SUCLG2: variants seen among roughly 807,000 people sequenced by gnomAD.
SUCLG2 encodes the protein succinate-CoA ligase GDP-forming subunit beta, also known as succinate--CoA ligase [GDP-forming] subunit beta, mitochondrial.
Under a neutral mutation model 47.9 loss-of-function variants are expected in SUCLG2, and 42 were observed. The ratio of observed to expected loss-of-function variants is 0.88; its 90% CI spans 0.69 to 1.14. The LOEUF (loss-of-function observed/expected upper bound fraction) is 1.14. Among genes scored for constraint, SUCLG2 ranks in the 50% most tolerant of loss-of-function variants. The pLI, the probability that SUCLG2 is intolerant of heterozygous loss-of-function variation, is 0.00. For synonymous variants in SUCLG2, 195 were observed against 197.3 expected (o/e 0.99, Z 0.10); for missense variants, 571 against 525.9 (o/e 1.09, Z -0.84).
At chr3:67,520,358 C>A in intron 5 of SUCLG2, 124 bp downstream of exon 5, 1 of 1,383,906 alleles carries the variant, frequency 7.2e-7, no homozygotes, top group Non-Finnish European at 1.0e-6. Context: ...AAGGGCTCAG[C>A]ATCTTCTTAC....
intron 10 of SUCLG2, 132 bp downstream of exon 10, chr3:67,400,599 A>G (rs1575671422): frequency 1.6e-6 from 2 of 1,284,942 alleles, no homozygotes; most frequent in East Asian, 4.9e-5. Context: ...GTCCTGCCGT[A>G]CTGTGTTTGT....
chr3:67,384,702 A>G (rs1445956109), intron 10 of SUCLG2, among the ~76,000 whole-genome samples: 3 of 152,274 alleles, frequency 2.0e-5, no homozygotes, highest in East Asian at 1.9e-4. Flanking sequence ...AAACCCACCT[A>G]TGGTCTCTTT....
chr3:67,400,995 G>T, intron 9 of SUCLG2, 144 bp from the exon 10 acceptor site: 1 of 1,172,010 alleles, frequency 8.5e-7, no homozygotes, highest in Non-Finnish European at 1.2e-6. Flanking sequence ...TACAAAAATG[G>T]CCCAGAACAT....
In SUCLG2 at chr3:67,452,371, T is replaced by C. The variant is rs534772128; in HGVS notation, c.1062+43427A>G. On this transcript the variant is annotated intron_variant, in intron 9 of 10. Transcript: ENST00000307227. ...ATGAATTATGCCTATTGAAATATTT[T>C]CTAAAAATTTGGGCCTGCTTTTACA... is the stretch of plus-strand genomic sequence containing the variant. 4.7e-4 allele frequency among the ~76,000 whole-genome samples: 72 copies of C among 152,358 alleles called. 1 individual carries two copies. The highest frequency in any genetic ancestry group is 1.6e-3 in the African/African-American group (68 of 41,590).
intron 2 of SUCLG2, among the ~76,000 whole-genome samples, chr3:67,607,708 C>T (rs903378886): frequency 1.3e-5 from 2 of 152,170 alleles, no homozygotes; most frequent in African/African-American, 2.4e-5. Context: ...ATAATCTCCA[C>T]ATGTCAAGGG....
chr3:67,523,030 C>T (rs751076048), intron 4 of SUCLG2, among the ~76,000 whole-genome samples: 2 of 151,998 alleles, frequency 1.3e-5, no homozygotes, highest in Non-Finnish European at 2.9e-5. Flanking sequence ...CCTCGTGATT[C>T]GCCCACCTCC....
At chr3:67,437,378 G>T (rs1444388650) in intron 9 of SUCLG2, among the ~76,000 whole-genome samples, 5 of 152,130 alleles carry the variant, frequency 3.3e-5, no homozygotes, top group Admixed American at 2.6e-4. Context: ...CATCAAAAAT[G>T]CTGGTATTAT....
chr3:67,414,116 G>A (rs1401186809), intron 9 of SUCLG2, among the ~76,000 whole-genome samples: 1 of 152,130 alleles, frequency 6.6e-6, no homozygotes, highest in Admixed American at 6.5e-5. Context: ...AAACCTGGAT[G>A]GTCTTCTGTG....
At position 67,400,848 on chromosome 3, in the gene SUCLG2, C is replaced by T; in HGVS notation, c.1066G>A (p.Glu356Lys). ...FKLLTADPKV[E>K]AILVNIFGGI... ...CCAAATATATTGACAAGGATGGCTT[C>T]AACCTGAAATCAAAAATAAAAAGTT... is the stretch of plus-strand genomic sequence containing the variant. Residue 356 changes from glutamate (E) to lysine (K), a missense_variant, in exon 10 of 11, where the codon GAA becomes AAA. Transcript: ENST00000307227. The T allele has an allele frequency of 3.1e-6, 5 of 1,612,192 alleles. No homozygotes were observed. Among genetic ancestry groups the T allele is most frequent in the Non-Finnish European group, 4.2e-6 (5 of 1,179,658 alleles).
intron 9 of SUCLG2, among the ~76,000 whole-genome samples, chr3:67,461,424 T>C (rs919145101): frequency 6.6e-6 from 1 of 152,066 alleles, no homozygotes; most frequent in Non-Finnish European, 1.5e-5. Flanking sequence ...TATAACGGTA[T>C]TGGAAGAAGC....
At chr3:67,621,135 A>G (rs1190396075) in intron 1 of SUCLG2, among the ~76,000 whole-genome samples, 3 of 152,204 alleles carry the variant, frequency 2.0e-5, no homozygotes, top group Admixed American at 6.5e-5. Context: ...ACTAGCCATC[A>G]ATCATAAATA....
At chr3:67,531,382 C>G (rs932950410) in intron 2 of SUCLG2, among the ~76,000 whole-genome samples, 4 of 152,184 alleles carry the variant, frequency 2.6e-5, no homozygotes, top group African/African-American at 9.7e-5. Flanking sequence ...AGCTTTCCAG[C>G]AGCAAAACTT....
chr3:67,651,525 T>C (rs1388756851), intron 1 of SUCLG2, among the ~76,000 whole-genome samples: 9 of 152,320 alleles, frequency 5.9e-5, no homozygotes, highest in Admixed American at 5.2e-4. Flanking sequence ...AGTATGTGTA[T>C]GCCTACATAT....
intron 7 of SUCLG2, among the ~76,000 whole-genome samples, chr3:67,498,538 T>A (rs117761705): frequency 2.0e-5 from 3 of 152,194 alleles, no homozygotes; most frequent in Non-Finnish European, 2.9e-5. Context: ...CTCATTTCAA[T>A]AGAATAACCC....
Position 67,374,751 on chromosome 3 carries a change from T to A in SUCLG2, c.*993A>T. 1.1e-6 allele frequency: 1 copy of A among 917,510 alleles called. No homozygotes were observed. The highest frequency in any genetic ancestry group is 1.3e-6 in the Non-Finnish European group (1 of 768,228). The allele number at this position is 917,510 out of a possible 1,614,324, so 56.8% of individuals were successfully genotyped here. On this transcript the variant is annotated 3_prime_UTR_variant, in exon 11 of 11. Coordinates refer to ENST00000307227, the MANE Select transcript of SUCLG2 (RefSeq NM_003848.4). ...TTACAAAACATAATTTTATTTAAATTTGTATAGATAAAAATCTACCAAAAT... is the reference window on the plus strand; with the variant it reads ...TTACAAAACATAATTTTATTTAAATATGTATAGATAAAAATCTACCAAAAT...
intron 2 of SUCLG2, among the ~76,000 whole-genome samples, chr3:67,546,849 T>C (rs546535144): frequency 6.6e-6 from 1 of 151,612 alleles, no homozygotes; most frequent in Non-Finnish European, 1.5e-5. Flanking sequence ...TGCAGCGAGC[T>C]GAGATTGTAC....
chr3:67,415,471 C>T (rs1235146281), intron 9 of SUCLG2, among the ~76,000 whole-genome samples: 1 of 152,202 alleles, frequency 6.6e-6, no homozygotes, highest in African/African-American at 2.4e-5. Flanking sequence ...AGGAAGGTAA[C>T]TGCTTTCCAT....
chr3:67,654,375 C>G (rs1327398218), intron 1 of SUCLG2, 128 bp downstream of exon 1: 3 of 720,912 alleles, frequency 4.2e-6, no homozygotes, highest in Non-Finnish European at 5.7e-6. Context: ...GCCGCGTCAC[C>G]TCCCGAAGTG....
intron 6 of SUCLG2, among the ~76,000 whole-genome samples, chr3:67,515,869 T>C (rs1354402504): frequency 6.6e-6 from 1 of 152,150 alleles, no homozygotes; most frequent in Admixed American, 6.5e-5. Flanking sequence ...ATATCCCTTC[T>C]ACTGTAGAAA....
Sources: gnomAD v4.1 joint callset for allele counts (sites outside exome capture counted in the v4.1 genomes callset) on GRCh38, gnomAD v4.1.1 for gene constraint, MANE v1.5 for transcripts, NCBI Gene and HGNC (gene_info 2026-07-23, HGNC 2026-07-21) for gene names.